Variants in CNOT2 observed in about 807,000 individuals in gnomAD.
CNOT2 encodes the protein CCR4-NOT transcription complex subunit 2.
In CNOT2, 7 loss-of-function variants were observed where a neutral mutation model predicts 72.1. The ratio of observed to expected loss-of-function variants is 0.10; its 90% confidence interval spans 0.06 to 0.18. CNOT2 has a LOEUF of 0.18. CNOT2 is among the 10% of genes least tolerant of loss of function. The pLI is 1.00. For synonymous variants in CNOT2, 196 were observed against 225.6 expected, an observed-to-expected ratio of 0.87 and a Z score of 1.17; for missense variants, 345 against 660.3, an observed-to-expected ratio of 0.52 and a Z score of 5.23.
intron 2 of CNOT2, among the ~76,000 whole-genome samples, chr12:70,306,119 A>G (rs1056506687): frequency 6.6e-6 from 1 of 152,034 alleles, no homozygotes; most frequent in Non-Finnish European, 1.5e-5. Flanking sequence ...GGTTTGGTAC[A>G]GAGGATTAGC....
chr12:70,332,750 A>G lies in CNOT2; in HGVS notation c.570-17A>G. On this transcript the variant is annotated splice_polypyrimidine_tract_variant and intron_variant, in intron 6 of 15. Coordinates refer to ENST00000229195, the MANE Select transcript of CNOT2 (RefSeq NM_014515.7). Reference sequence around the variant, plus strand: ...GTGTTCTTACTGTATATCTAAAACTATTTTCTATGTACCCAGTATGTCTGG... The same window carrying G: ...GTGTTCTTACTGTATATCTAAAACTGTTTTCTATGTACCCAGTATGTCTGG... The G allele has an allele frequency of 1.3e-6, 2 of 1,587,412 alleles. No homozygotes were observed. Among genetic ancestry groups the G allele is most frequent in the South Asian group, 1.2e-5 (1 of 85,912 alleles).
At chr12:70,300,776 T>G (rs1873792972) in intron 2 of CNOT2, among the ~76,000 whole-genome samples, 1 of 152,222 alleles carries the variant, frequency 6.6e-6, no homozygotes, top group Non-Finnish European at 1.5e-5. Context: ...GGTAGCTTGA[T>G]GGGGATGGCA....
At chr12:70,342,921 A>G (rs1264912024) in intron 13 of CNOT2, among the ~76,000 whole-genome samples, 1 of 152,156 alleles carries the variant, frequency 6.6e-6, no homozygotes, top group Non-Finnish European at 1.5e-5. Flanking sequence ...TTTGTTATAT[A>G]TTTGTGTATA....
intron 15 of CNOT2, among the ~76,000 whole-genome samples, chr12:70,348,380 A>T (rs1288962525): frequency 6.6e-6 from 1 of 152,156 alleles, no homozygotes; most frequent in Non-Finnish European, 1.5e-5. Flanking sequence ...GGGCCTGAGA[A>T]TTGCATTTCT....
Position 70,296,767 on chromosome 12 carries a change from CT to C in CNOT2, c.49-14123del, listed in dbSNP as rs1377031802. Among the ~76,000 whole-genome samples the C allele has an allele frequency of 1.1e-4, 16 of 141,174 alleles. 1 individual carries two copies. In the South Asian group the frequency reaches 1.7e-3, roughly 15 times the overall value. 92.6% of individuals were successfully genotyped at this position (141,174 alleles called of 152,430 possible). A position where few individuals can be genotyped will look rare whatever the true frequency, so the allele number is the denominator to read the frequency against. On this transcript the variant is annotated intron_variant, in intron 2 of 15. Coordinates refer to ENST00000229195, the MANE Select transcript of CNOT2 (RefSeq NM_014515.7). ...CTGTCCTTTATTTAAGCCCCCCCCC[CT>C]TTTTAAATTGTTTTTCAAGAATTAA...
chr12:70,247,996 T>C (rs923918133), intron 1 of CNOT2, among the ~76,000 whole-genome samples: 5 of 152,334 alleles, frequency 3.3e-5, no homozygotes, highest in Middle Eastern at 3.4e-3. Flanking sequence ...AAAGTTAGTA[T>C]GGAATTAGGG....
chr12:70,318,274 A>G (rs1877689001), intron 3 of CNOT2, among the ~76,000 whole-genome samples: 1 of 151,966 alleles, frequency 6.6e-6, no homozygotes, highest in African/African-American at 2.4e-5. Flanking sequence ...ATGCCATAAC[A>G]TGGGTGAGCT....
rs1263508596 is a variant in CNOT2 at position 70,317,610 on chromosome 12, GA to G, written c.172-1687del. Among the ~76,000 whole-genome samples the G allele has an allele frequency of 3.7e-5, 4 of 108,182 alleles. 1 individual carries two copies. The highest frequency in any genetic ancestry group is 5.8e-4 in the South Asian group (2 of 3,426). The allele number at this position is 108,182 out of a possible 152,430, so 71.0% of individuals were successfully genotyped here. ...TTGGGAGGGAATATTTATAAGGTTTGATTTTTTTTTTTTTTTTTTTTTTTTT... is the reference window on the plus strand; with the variant it reads ...TTGGGAGGGAATATTTATAAGGTTTGTTTTTTTTTTTTTTTTTTTTTTTTT... On this transcript the variant is annotated intron_variant, in intron 3 of 15. Coordinates refer to ENST00000229195, the MANE Select transcript of CNOT2 (RefSeq NM_014515.7).
intron 6 of CNOT2, chr12:70,330,824 A>C (rs1879818332): frequency 5.8e-6 from 1 of 172,370 alleles, no homozygotes; most frequent in Non-Finnish European, 1.2e-5. Context: ...ATGTTTGACT[A>C]TTACTACTTT....
At chr12:70,258,984 T>C (rs1316348623) in intron 1 of CNOT2, among the ~76,000 whole-genome samples, 2 of 152,220 alleles carry the variant, frequency 1.3e-5, no homozygotes, top group Non-Finnish European at 2.9e-5. Flanking sequence ...GGAAAGACTT[T>C]GCTAGGCTAC....
Position 70,353,826 on chromosome 12 carries a change from T to C in CNOT2, c.1537-3T>C. On this transcript the variant is annotated splice_region_variant and splice_polypyrimidine_tract_variant and intron_variant, in intron 15 of 15. Coordinates refer to ENST00000229195, the MANE Select transcript of CNOT2 (RefSeq NM_014515.7). Reference sequence around the variant, plus strand: ...ATCTAAATTCTTGAATTTGTTTTTATAGGAGTTCCATCTGGAATATGACAA... The same window carrying C: ...ATCTAAATTCTTGAATTTGTTTTTACAGGAGTTCCATCTGGAATATGACAA... 1 of 1,607,154 alleles carries C rather than the reference T, an allele frequency of 6.2e-7. No individual in the cohort carries two copies.
chr12:70,333,301 A>G (rs1880222130), intron 7 of CNOT2, among the ~76,000 whole-genome samples: 1 of 151,916 alleles, frequency 6.6e-6, no homozygotes, highest in African/African-American at 2.4e-5. Context: ...TTTTAATAAT[A>G]CTAATGTTGG....
Position 70,294,315 on chromosome 12 carries a change from G to A in CNOT2, c.48+16041G>A, listed in dbSNP as rs533168312. 3.1e-3 allele frequency: 3,984 copies of A among 1,288,250 alleles called. 11 individuals are homozygous for A. The highest frequency in any genetic ancestry group is 3.8e-3 in the Non-Finnish European group (3,732 of 987,766). The allele number at this position is 1,288,250 out of a possible 1,614,324, so 79.8% of individuals were successfully genotyped here. On this transcript the variant is annotated intron_variant, in intron 2 of 15. Coordinates refer to ENST00000229195, the MANE Select transcript of CNOT2 (RefSeq NM_014515.7). ...CACAGGTAAGTATGTGGTGGGGAAAGCCGGGGGAAAAATGGTACTGTCATC... is the reference window on the plus strand; with the variant it reads ...CACAGGTAAGTATGTGGTGGGGAAAACCGGGGGAAAAATGGTACTGTCATC...
chr12:70,270,042 T>C (rs1038995314), intron 1 of CNOT2, among the ~76,000 whole-genome samples: 1 of 152,204 alleles, frequency 6.6e-6, no homozygotes, highest in African/African-American at 2.4e-5. Context: ...AGAGAACAAT[T>C]GGCAAACACA....
intron 1 of CNOT2, among the ~76,000 whole-genome samples, chr12:70,266,809 C>A (rs901344670): frequency 6.6e-6 from 1 of 151,908 alleles, no homozygotes; most frequent in African/African-American, 2.4e-5. Flanking sequence ...TCTTTTTTCA[C>A]CTGTATGTTT....
intron 7 of CNOT2, chr12:70,334,763 A>G (rs1166851116): frequency 6.6e-6 from 1 of 152,092 alleles, no homozygotes; most frequent in Non-Finnish European, 1.5e-5. Context: ...TATTCTATAT[A>G]TATTTATTGA....
rs1593199164 is a variant in CNOT2, at chr12:70,310,148, G to T, written c.49-747G>T. On this transcript the variant is annotated intron_variant, in intron 2 of 15. Transcript: ENST00000229195. The stretch of plus-strand genomic sequence containing the variant: ...ATGCAAATATTATAAACCATTTTAT[G>T]TGAGAGAATTGAGCATCCGTGGATT... Among the ~76,000 whole-genome samples, 2 of 152,190 alleles carry T rather than the reference G, an allele frequency of 1.3e-5. 1 individual carries two copies. Among genetic ancestry groups the T allele is most frequent in the South Asian group, 4.1e-4 (2 of 4,826 alleles).
At chr12:70,285,892 A>C (rs1282268473) in intron 2 of CNOT2, among the ~76,000 whole-genome samples, 1 of 152,048 alleles carries the variant, frequency 6.6e-6, no homozygotes. Flanking sequence ...CAACCTCATA[A>C]GGTGAGTGAG....
chr12:70,308,392 C>T (rs545041210), intron 2 of CNOT2, among the ~76,000 whole-genome samples: 8 of 152,016 alleles, frequency 5.3e-5, no homozygotes, highest in Middle Eastern at 3.2e-3. Context: ...GAGTAAAACA[C>T]CCTTACCTCT....
Sources: allele counts gnomAD v4.1 joint callset (sites outside exome capture counted in the v4.1 genomes callset), GRCh38; gene constraint gnomAD v4.1.1; transcripts MANE v1.5; gene names NCBI Gene and HGNC (gene_info 2026-07-23, HGNC 2026-07-21).